ATIC: variants seen among roughly 807,000 people sequenced by gnomAD.
ATIC encodes the protein 5-aminoimidazole-4-carboxamide ribonucleotide formyltransferase/IMP cyclohydrolase.
ATIC carries 64 observed loss-of-function variants against 72.5 expected under a neutral mutation model. The ratio of observed to expected loss-of-function variants is 0.88; its 90% CI spans 0.72 to 1.09. The LOEUF (loss-of-function observed/expected upper bound fraction) is 1.09. ATIC is among the 50% of genes least tolerant of loss of function. ATIC has a pLI of 0.00. For missense variants in ATIC, 787 were observed against 732.4 expected, an observed-to-expected ratio of 1.07 and a Z score of -0.86; for synonymous variants, 281 against 267.1, an observed-to-expected ratio of 1.05 and a Z score of -0.51.
intron 7 of ATIC, among the ~76,000 whole-genome samples, chr2:215,329,370 A>G (rs143467564): frequency 2.4e-4 from 36 of 152,288 alleles, no homozygotes; most frequent in African/African-American, 7.9e-4. Context: ...AGTTTAAAGT[A>G]TTATTTGTGG....
intron 3 of ATIC, among the ~76,000 whole-genome samples, chr2:215,318,535 A>G (rs1390516979): frequency 6.6e-6 from 1 of 152,204 alleles, no homozygotes; most frequent in Non-Finnish European, 1.5e-5. Context: ...ATCGTATGAA[A>G]ATACTTTTAA....
chr2:215,312,417 C>T (rs997748470), intron 1 of ATIC, 81 bp from the exon 2 acceptor site: 7 of 1,609,204 alleles, frequency 4.3e-6, no homozygotes, highest in Admixed American at 1.7e-5. Flanking sequence ...TCGAGAATCT[C>T]CTCCCCCAGA....
In ATIC at chr2:215,332,563, A is replaced by C; in HGVS notation, c.814+56A>C. On this transcript the variant is annotated intron_variant, in intron 8 of 15. Transcript: ENST00000236959. ...ATTGTTCGAAAGGCATTTCTTCTTA[A>C]ATTTTTTTGAATATTAACAAGTTCT... The C allele has an allele frequency of 3.1e-6, 5 of 1,594,998 alleles. No individual in the cohort carries two copies. The Admixed American group carries it at 7.1e-5, about 23-fold the overall frequency.
chr2:215,359,098 G>A, the ATIC span, among the ~76,000 whole-genome samples: 2 of 152,084 alleles, frequency 1.3e-5, no homozygotes, highest in Non-Finnish European at 2.9e-5. Context: ...TACCCAGACT[G>A]GCCTTGAACT....
chr2:215,319,364 A>T (rs2052743147), intron 3 of ATIC, among the ~76,000 whole-genome samples: 1 of 151,350 alleles, frequency 6.6e-6, no homozygotes, highest in African/African-American at 2.4e-5. Flanking sequence ...AGATGGCAAC[A>T]CCCCCCTTCT....
the ATIC span, chr2:215,360,381 A>C: frequency 6.6e-6 from 1 of 152,234 alleles, no homozygotes. Context: ...AAAGTAAGAC[A>C]TGTTAGATGG....
At position 215,349,013 on chromosome 2, in the gene ATIC, C is replaced by T. The variant is rs983037586; in HGVS notation, c.1504-81C>T. 1.1e-5 allele frequency: 16 copies of T among 1,427,468 alleles called. No homozygotes were observed. In the African/African-American group the frequency reaches 2.0e-4, roughly 18 times the overall value. The allele number at this position is 1,427,468 out of a possible 1,614,324, so 88.4% of individuals were successfully genotyped here. On this transcript the variant is annotated intron_variant, in intron 14 of 15. Coordinates refer to ENST00000236959, the MANE Select transcript of ATIC (RefSeq NM_004044.7). ...AAGTCCTAAGAAAAATGCCCAGGTG[C>T]TTTCTGGCATGGTGATTTGCACCAC...
chr2:215,338,464 A>G (rs2052980842), intron 11 of ATIC, among the ~76,000 whole-genome samples: 1 of 152,194 alleles, frequency 6.6e-6, no homozygotes, highest in Admixed American at 6.5e-5. Flanking sequence ...ACTCACTGGA[A>G]TCATTGTTTT....
rs1167265729 is a variant in ATIC at position 215,312,141 on chromosome 2, C to T, written c.-2C>T. On this transcript the variant is annotated 5_prime_UTR_variant, in exon 1 of 16. Transcript: ENST00000236959. ...CTCGCCCTGAACCCAGTGCCTGCAGCCATGGCTCCCGGCCAGCTCGGTGAG... is the reference window on the plus strand; with the variant it reads ...CTCGCCCTGAACCCAGTGCCTGCAGTCATGGCTCCCGGCCAGCTCGGTGAG... 3.3e-6 allele frequency: 5 copies of T among 1,526,192 alleles called. No individual in the cohort carries two copies. The highest frequency in any genetic ancestry group is 4.4e-6 in the Non-Finnish European group (5 of 1,143,412). The allele number at this position is 1,526,192 out of a possible 1,614,324, so 94.5% of individuals were successfully genotyped here. A position where few individuals can be genotyped will look rare whatever the true frequency, so the allele number is the denominator to read the frequency against.
At chr2:215,323,645 T>C (rs999854168) in intron 4 of ATIC, among the ~76,000 whole-genome samples, 2 of 152,246 alleles carry the variant, frequency 1.3e-5, no homozygotes, top group South Asian at 4.1e-4. Context: ...TGGTATCATC[T>C]GCAAATAGAT....
chr2:215,336,538 T>G (rs1460981923), intron 11 of ATIC, among the ~76,000 whole-genome samples: 4 of 152,264 alleles, frequency 2.6e-5, no homozygotes, highest in African/African-American at 9.6e-5. Flanking sequence ...CATCCTTCTG[T>G]TACCTTTTGA....
chr2:215,322,625 C>T (rs1311761819), intron 4 of ATIC, among the ~76,000 whole-genome samples: 1 of 152,124 alleles, frequency 6.6e-6, no homozygotes, highest in African/African-American at 2.4e-5. Flanking sequence ...AGCCACCGCA[C>T]CCGGCGTGTG....
the ATIC span, chr2:215,361,672 A>C: frequency 7.1e-7 from 1 of 1,414,628 alleles, no homozygotes; most frequent in Non-Finnish European, 1.0e-6. Flanking sequence ...CAAATACTGT[A>C]AAGTGTACAG....
At chr2:215,315,382 G>C (rs1256286093) in intron 2 of ATIC, among the ~76,000 whole-genome samples, 2 of 151,826 alleles carry the variant, frequency 1.3e-5, no homozygotes, top group Non-Finnish European at 2.9e-5. Context: ...TTTTTTAGAG[G>C]GTTTTACTCT....
intron 4 of ATIC, among the ~76,000 whole-genome samples, chr2:215,323,415 T>C (rs1022977892): frequency 1.3e-5 from 2 of 152,238 alleles, no homozygotes; most frequent in Non-Finnish European, 2.9e-5. Context: ...ATCCTAAGAA[T>C]ATTAAATCTT....
chr2:215,339,917 T>G (rs2053000840), intron 12 of ATIC, among the ~76,000 whole-genome samples: 3 of 152,156 alleles, frequency 2.0e-5, no homozygotes, highest in Admixed American at 2.0e-4. Flanking sequence ...GTTACAGGCG[T>G]GAGCCACCAT....
At chr2:215,339,116 C>T (rs1383169511) in intron 12 of ATIC, among the ~76,000 whole-genome samples, 1 of 152,012 alleles carries the variant, frequency 6.6e-6, no homozygotes, top group Non-Finnish European at 1.5e-5. Flanking sequence ...TATGTACACA[C>T]TAGAGATAAG....
intron 8 of ATIC, among the ~76,000 whole-genome samples, chr2:215,332,921 A>G (rs542148790): frequency 6.9e-4 from 105 of 152,230 alleles, no homozygotes; most frequent in Non-Finnish European, 1.2e-3. Flanking sequence ...TCCGCAATTG[A>G]GTTGTCTGTA....
At chr2:215,365,634 T>TA in the ATIC span, 3 of 1,613,882 alleles carry the variant, frequency 1.9e-6, no homozygotes, top group Admixed American at 3.3e-5. Flanking sequence ...CACCATCCTG[T>TA]AGGGGTGGGG....
Sources: gnomAD v4.1 joint callset for allele counts (sites outside exome capture counted in the v4.1 genomes callset) on GRCh38, gnomAD v4.1.1 for gene constraint, MANE v1.5 for transcripts, NCBI Gene and HGNC (gene_info 2026-07-23, HGNC 2026-07-21) for gene names.